Variants in GRIK2 observed in about 807,000 individuals in gnomAD.
The protein encoded by GRIK2 is glutamate receptor ionotropic, kainate 2.
GRIK2 carries 32 observed loss-of-function variants against 100.3 expected under a neutral mutation model. The observed-to-expected ratio is 0.32, with a 90% CI of 0.24 to 0.43. GRIK2 has a LOEUF of 0.43. Ranked by LOEUF, GRIK2 falls within the 20% of genes least tolerant of loss-of-function variation. The pLI is 1.00. For synonymous variants in GRIK2, 417 were observed against 389.4 expected (o/e 1.07, Z -0.83); for missense variants, 843 against 1,114.9 (o/e 0.76, Z 3.47).
chr6:101,737,608 G>A (rs1775729551), intron 7 of GRIK2, among the ~76,000 whole-genome samples: 1 of 152,134 alleles, frequency 6.6e-6, no homozygotes, highest in African/African-American at 2.4e-5. Context: ...CACAACATGT[G>A]GCAATTATGG....
intron 2 of GRIK2, among the ~76,000 whole-genome samples, chr6:101,527,522 A>T (rs763260784): frequency 6.6e-6 from 1 of 152,202 alleles, no homozygotes; most frequent in African/African-American, 2.4e-5. Flanking sequence ...TCAGTTAAAA[A>T]CGGAAGTGAT....
intron 2 of GRIK2, among the ~76,000 whole-genome samples, chr6:101,401,806 T>C (rs1315005083): frequency 6.6e-6 from 1 of 152,220 alleles, no homozygotes; most frequent in Non-Finnish European, 1.5e-5. Flanking sequence ...CCTCATGCCC[T>C]GGACCCGTGC....
chr6:101,501,724 G>A (rs1332755530), intron 2 of GRIK2, among the ~76,000 whole-genome samples: 1 of 152,124 alleles, frequency 6.6e-6, no homozygotes, highest in East Asian at 1.9e-4. Flanking sequence ...TTAGCTATGT[G>A]ACCATGGGAA....
intron 11 of GRIK2, among the ~76,000 whole-genome samples, chr6:101,876,264 T>C (rs747649386): frequency 1.4e-4 from 22 of 151,808 alleles, no homozygotes; most frequent in Non-Finnish European, 2.8e-4. Context: ...TTCCTCCTTA[T>C]AATGTCTTTA....
At chr6:101,969,166 T>A (rs895250365) in intron 14 of GRIK2, among the ~76,000 whole-genome samples, 6 of 151,962 alleles carry the variant, frequency 3.9e-5, no homozygotes, top group Admixed American at 3.3e-4. Flanking sequence ...TTATAACTGT[T>A]GAAAAGAGGA....
chr6:102,004,148 T>C (rs549747563), intron 14 of GRIK2, among the ~76,000 whole-genome samples: 1 of 151,676 alleles, frequency 6.6e-6, no homozygotes, highest in Non-Finnish European at 1.5e-5. Context: ...TTGAGTTTTA[T>C]TTATTTGATT....
intron 14 of GRIK2, among the ~76,000 whole-genome samples, chr6:102,000,526 G>C (rs1794883645): frequency 6.6e-6 from 1 of 151,850 alleles, no homozygotes; most frequent in East Asian, 1.9e-4. Flanking sequence ...TGAGGTATTT[G>C]GTTTTCTGTT....
chr6:101,678,097 C>T (rs1175672433), intron 5 of GRIK2, among the ~76,000 whole-genome samples: 3 of 152,038 alleles, frequency 2.0e-5, no homozygotes, highest in Non-Finnish European at 2.9e-5. Context: ...AGAGACCTTT[C>T]CTTTACTCCT....
At chr6:101,869,382 T>TA (rs1785245686) in intron 11 of GRIK2, among the ~76,000 whole-genome samples, 1 of 151,960 alleles carries the variant, frequency 6.6e-6, no homozygotes, top group South Asian at 2.1e-4. Context: ...ACACTAACAT[T>TA]AACCACTGTT....
intron 2 of GRIK2, among the ~76,000 whole-genome samples, chr6:101,531,939 T>C (rs1196775611): frequency 1.3e-5 from 2 of 151,980 alleles, no homozygotes; most frequent in Non-Finnish European, 2.9e-5. Flanking sequence ...TGCAATAACT[T>C]ACCAAGTTGT....
At chr6:101,499,724 A>G (rs111558001) in intron 2 of GRIK2, among the ~76,000 whole-genome samples, 1 of 152,156 alleles carries the variant, frequency 6.6e-6, no homozygotes, top group African/African-American at 2.4e-5. Context: ...AGTATATACT[A>G]TGCCTAATAT....
chr6:101,418,014 T>A (rs1383141180), intron 2 of GRIK2, among the ~76,000 whole-genome samples: 1 of 152,232 alleles, frequency 6.6e-6, no homozygotes, highest in African/African-American at 2.4e-5. Context: ...AATGCAGAGT[T>A]CTGTGTGTTT....
At chr6:101,795,102 G>C (rs1780202430) in intron 7 of GRIK2, among the ~76,000 whole-genome samples, 1 of 151,936 alleles carries the variant, frequency 6.6e-6, no homozygotes. Context: ...CCTGACTTCA[G>C]GTGATCCATC....
At chr6:101,413,164 T>G (rs1277557132) in intron 2 of GRIK2, among the ~76,000 whole-genome samples, 1 of 152,040 alleles carries the variant, frequency 6.6e-6, no homozygotes, top group African/African-American at 2.4e-5. Context: ...ATGTGTAAGA[T>G]GACTAAACTT....
chr6:101,840,723 T>C (rs1413664244), intron 10 of GRIK2, among the ~76,000 whole-genome samples: 1 of 152,206 alleles, frequency 6.6e-6, no homozygotes, highest in East Asian at 1.9e-4. Context: ...TTAACTTGAA[T>C]CCTATAAATT....
Position 101,454,068 on chromosome 6 carries a change from T to C in GRIK2, c.115+54676T>C, listed in dbSNP as rs914614088. Among the ~76,000 whole-genome samples the C allele has an allele frequency of 2.6e-5, 4 of 152,084 alleles. No homozygotes were observed. In the South Asian group the frequency reaches 8.3e-4, roughly 32 times the overall value. Reference sequence around the variant, plus strand: ...CACACCCTTTGAAGAAGGGGGACAATTGAGTTATTCCTACCGTAGACTGAA... The same window carrying C: ...CACACCCTTTGAAGAAGGGGGACAACTGAGTTATTCCTACCGTAGACTGAA... On this transcript the variant is annotated intron_variant, in intron 2 of 16. Coordinates refer to ENST00000369134, the MANE Select transcript of GRIK2 (RefSeq NM_021956.5).
intron 2 of GRIK2, among the ~76,000 whole-genome samples, chr6:101,589,615 G>T (rs1778546601): frequency 1.3e-5 from 2 of 152,094 alleles, no homozygotes; most frequent in South Asian, 2.1e-4. Flanking sequence ...AATCCATGAG[G>T]ATAGTTTTAA....
At chr6:101,674,932 T>C (rs1770715921) in intron 4 of GRIK2, among the ~76,000 whole-genome samples, 1 of 152,176 alleles carries the variant, frequency 6.6e-6, no homozygotes, top group Non-Finnish European at 1.5e-5. Context: ...TTATGGAGTA[T>C]AATGTAATGT....
intron 4 of GRIK2, among the ~76,000 whole-genome samples, chr6:101,659,987 C>T (rs773493313): frequency 6.6e-6 from 1 of 152,076 alleles, no homozygotes; most frequent in Non-Finnish European, 1.5e-5. Context: ...TTGTGGTGTT[C>T]TCTGTGTTTC....
Sources: gnomAD v4.1 joint callset for allele counts (sites outside exome capture counted in the v4.1 genomes callset) on GRCh38, gnomAD v4.1.1 for gene constraint, MANE v1.5 for transcripts, NCBI Gene and HGNC (gene_info 2026-07-23, HGNC 2026-07-21) for gene names.